FSTL4: variants seen among roughly 807,000 people sequenced by gnomAD.
FSTL4 encodes the protein follistatin like 4.
Under a neutral mutation model 78.2 loss-of-function variants are expected in FSTL4, and 28 were observed. The ratio of observed to expected loss-of-function variants is 0.36; its 90% confidence interval spans 0.27 to 0.49. The LOEUF is 0.49. Ranked by LOEUF, FSTL4 falls within the 20% of genes least tolerant of loss-of-function variation. FSTL4 has a pLI of 0.98. For missense variants in FSTL4, 922 were observed against 1,084.9 expected (o/e 0.85, Z 2.11); for synonymous variants, 422 against 440.5 (o/e 0.96, Z 0.53).
chr5:133,537,431 T>A (rs1233234387), intron 3 of FSTL4, among the ~76,000 whole-genome samples: 1 of 152,224 alleles, frequency 6.6e-6, no homozygotes, highest in Non-Finnish European at 1.5e-5. Context: ...AATTACATTT[T>A]GCATGTTGAT....
At chr5:133,607,927 G>T (rs1761010289) in intron 1 of FSTL4, among the ~76,000 whole-genome samples, 1 of 148,884 alleles carries the variant, frequency 6.7e-6, no homozygotes, top group Non-Finnish European at 1.5e-5. Context: ...AGGGAGGGAG[G>T]GAGGGGAACC....
intron 3 of FSTL4, among the ~76,000 whole-genome samples, chr5:133,447,262 G>A (rs1283173338): frequency 6.6e-6 from 1 of 152,250 alleles, no homozygotes; most frequent in Admixed American, 6.5e-5. Context: ...ATATGGCCAA[G>A]TGTCCAGCCC....
At chr5:133,224,859 T>TA (rs1222335661) in intron 10 of FSTL4, among the ~76,000 whole-genome samples, 1 of 152,158 alleles carries the variant, frequency 6.6e-6, no homozygotes, top group Non-Finnish European at 1.5e-5. Context: ...ATACAGCAAG[T>TA]AAAAAGCAGA....
intron 3 of FSTL4, among the ~76,000 whole-genome samples, chr5:133,465,007 G>A (rs74573841): frequency 0.019 from 2,862 of 152,182 alleles, 43 homozygotes; most frequent in Middle Eastern, 0.031. Flanking sequence ...TCAGGTGCTC[G>A]ACACCTTCGT....
At chr5:133,494,670 CTGTA>C (rs1460222204) in intron 3 of FSTL4, among the ~76,000 whole-genome samples, 5 of 152,232 alleles carry the variant, frequency 3.3e-5, no homozygotes, top group Non-Finnish European at 7.3e-5. Flanking sequence ...TGGGGCTAAA[CTGTA>C]TGTGAGAAAA....
chr5:133,249,696 T>C lies in FSTL4; in HGVS notation c.728-120A>G, dbSNP rs1752158437. On this transcript the variant is annotated intron_variant, in intron 6 of 15. Transcript: ENST00000265342. ...GGCCCAGAAGGGCTTCACGACTCCC[T>C]GAAAATTGTTTACAATGTGCTGACT... 3 of 700,532 alleles carry C rather than the reference T, an allele frequency of 4.3e-6. No individual in the cohort carries two copies. In the East Asian group the frequency reaches 8.1e-5, roughly 19 times the overall value. The allele number at this position is 700,532 out of a possible 1,614,324, so 43.4% of individuals were successfully genotyped here.
chr5:133,677,635 G>A, the FSTL4 span, among the ~76,000 whole-genome samples: 4,963 of 152,258 alleles, frequency 0.033, 98 homozygotes, highest in South Asian at 0.075. Context: ...AAGAAAATAC[G>A]ACATGAAGAG....
Position 133,499,369 on chromosome 5 carries a change from TACACACACAC to T in FSTL4, c.160+67807_160+67816del, listed in dbSNP as rs57363602. Among the ~76,000 whole-genome samples the T allele has an allele frequency of 8.2e-3, 1,046 of 126,790 alleles. 9 individuals carry two copies. The highest frequency in any genetic ancestry group is 0.044 in the Middle Eastern group (12 of 270). 83.2% of individuals were successfully genotyped at this position (126,790 alleles called of 152,430 possible). ...CCCCTAGTAAGTAACACAAGGGGAA[TACACACACAC>T]ACACACACACACACACACACACACA... On this transcript the variant is annotated intron_variant, in intron 3 of 15. Transcript: ENST00000265342.
intron 14 of FSTL4, among the ~76,000 whole-genome samples, chr5:133,205,105 G>GTAAAC (rs1435808511): frequency 2.7e-4 from 41 of 152,178 alleles, no homozygotes; most frequent in African/African-American, 9.7e-5. Flanking sequence ...TTAGGCAAAG[G>GTAAAC]TAAACTATTG....
At chr5:133,574,836 T>C (rs1760240621) in intron 2 of FSTL4, 1 of 152,208 alleles carries the variant, frequency 6.6e-6, no homozygotes, top group Admixed American at 6.5e-5. Context: ...TAGTACAGTT[T>C]ATAAGATTTT....
chr5:133,493,030 T>C (rs980592213), intron 3 of FSTL4, among the ~76,000 whole-genome samples: 3 of 152,158 alleles, frequency 2.0e-5, no homozygotes, highest in East Asian at 1.9e-4. Context: ...AATGTTAATT[T>C]CTAGAAATTC....
At chr5:133,719,672 T>TAAA in the FSTL4 span, among the ~76,000 whole-genome samples, 4 of 102,070 alleles carry the variant, frequency 3.9e-5, no homozygotes, top group African/African-American at 1.2e-4. Flanking sequence ...AAACTCCATC[T>TAAA]AAAAAAAAAA....
At position 133,199,856 on chromosome 5, in the gene FSTL4, G is replaced by T; in HGVS notation, c.1827-59C>A. 1.2e-6 allele frequency: 1 copy of T among 824,648 alleles called. No homozygotes were observed. The highest frequency in any genetic ancestry group is 1.9e-6 in the Non-Finnish European group (1 of 515,756). The allele number at this position is 824,648 out of a possible 1,614,324, so 51.1% of individuals were successfully genotyped here. A position where few individuals can be genotyped will look rare whatever the true frequency, so the allele number is the denominator to read the frequency against. On this transcript the variant is annotated intron_variant, in intron 15 of 15. Coordinates refer to ENST00000265342, the MANE Select transcript of FSTL4 (RefSeq NM_015082.2). The surrounding 1 kb of genome is among the most constrained non-coding windows in gnomAD (Gnocchi z 4.4). Reference sequence around the variant, plus strand: ...TCCAGGGGTGGGGAATCTGTCATTTGTCTTAAACAATTACATCCTCTGCCT... The same window carrying T: ...TCCAGGGGTGGGGAATCTGTCATTTTTCTTAAACAATTACATCCTCTGCCT...
the FSTL4 span, among the ~76,000 whole-genome samples, chr5:133,794,369 C>T: frequency 1.4e-3 from 208 of 152,310 alleles, no homozygotes; most frequent in African/African-American, 4.9e-3. Context: ...TGGGGCTGTC[C>T]CCAGGAAATC....
At chr5:133,605,035 G>A (rs961760025) in intron 1 of FSTL4, among the ~76,000 whole-genome samples, 4 of 152,210 alleles carry the variant, frequency 2.6e-5, no homozygotes, top group African/African-American at 9.7e-5. Context: ...TCCAAATCAT[G>A]TGCTAAGCAT....
chr5:133,730,440 T>C, the FSTL4 span, among the ~76,000 whole-genome samples: 1 of 152,222 alleles, frequency 6.6e-6, no homozygotes, highest in African/African-American at 2.4e-5. Flanking sequence ...TGTGTGATCC[T>C]GTCAGCACAT....
chr5:133,686,454 G>T, the FSTL4 span, among the ~76,000 whole-genome samples: 1 of 152,206 alleles, frequency 6.6e-6, no homozygotes, highest in Non-Finnish European at 1.5e-5. Flanking sequence ...AGAGTTACAC[G>T]AATCAGTCAG....
chr5:133,208,092 T>C (rs1750583897), intron 14 of FSTL4, among the ~76,000 whole-genome samples: 1 of 152,216 alleles, frequency 6.6e-6, no homozygotes, highest in Admixed American at 6.5e-5. Flanking sequence ...CATTTTACTT[T>C]TAATTTTAGA....
chr5:133,283,585 A>G (rs1753059676), intron 6 of FSTL4, among the ~76,000 whole-genome samples: 2 of 152,152 alleles, frequency 1.3e-5, no homozygotes, highest in African/African-American at 4.8e-5. Context: ...CCCCAGGGGT[A>G]AGGAAATTCT....
Sources: gnomAD v4.1 joint callset for allele counts (sites outside exome capture counted in the v4.1 genomes callset) on GRCh38, gnomAD v4.1.1 for gene constraint, Gnocchi (gnomAD v3.1) non-coding constraint, MANE v1.5 for transcripts, NCBI Gene and HGNC (gene_info 2026-07-23, HGNC 2026-07-21) for gene names.